The following ZNF280C variants were observed in gnomAD, a reference collection of about 807,000 sequenced individuals.
ZNF280C encodes suppressor of hairy wing homolog 3.
A neutral mutation model predicts 53.6 loss-of-function variants in ZNF280C; 14 were observed. That is an observed-to-expected ratio of 0.26 (90% CI 0.17 to 0.41). The LOEUF (loss-of-function observed/expected upper bound fraction) is 0.41. Among genes scored for constraint, ZNF280C ranks in the 10% least tolerant of loss-of-function variants. ZNF280C has a pLI of 1.00. For synonymous variants in ZNF280C, 203 were observed against 181.1 expected (o/e 1.12, Z -0.97); for missense variants, 416 against 547.1 (o/e 0.76, Z 2.39).
chrX:130,242,845 AT>A (rs988448495), intron 5 of ZNF280C, among the ~76,000 whole-genome samples: 2 of 110,426 alleles, frequency 1.8e-5, no homozygotes, highest in Non-Finnish European at 3.8e-5. Context: ...CCCAGCCTTT[AT>A]TTTTTTTATT....
In ZNF280C at chrX:130,249,194, C is replaced by A. The variant is rs1329362895; in HGVS notation, c.32-2189G>T. 3.6e-5 allele frequency among the ~76,000 whole-genome samples: 4 copies of A among 111,954 alleles called. No individual in the cohort carries two copies. In the Admixed American group the frequency reaches 3.8e-4, roughly 11 times the overall value. ...GTGCCCCATCCCCATGCTAATGCCA[C>A]CACCAGCATGACCATACACACAGTT... On this transcript the variant is annotated intron_variant, in intron 2 of 18. Transcript: ENST00000370978.
chrX:130,242,003 G>A (rs780113232), intron 5 of ZNF280C, among the ~76,000 whole-genome samples: 2 of 95,465 alleles, frequency 2.1e-5, no homozygotes, highest in Admixed American at 1.1e-4. Context: ...GGGAAGCCGG[G>A]GGGGGGCGGG....
intron 1 of ZNF280C, among the ~76,000 whole-genome samples, chrX:130,267,279 A>C (rs1211014817): frequency 9.0e-6 from 1 of 111,206 alleles, no homozygotes; most frequent in African/African-American, 3.3e-5. Flanking sequence ...GAAAAAGTCG[A>C]AAAAAAATGA....
rs2124693555 is a variant in ZNF280C at position 130,203,090 on chromosome X, A to C, written c.*1887T>G. On this transcript the variant is annotated 3_prime_UTR_variant, in exon 19 of 19. Transcript: ENST00000370978. The stretch of plus-strand genomic sequence containing the variant: ...ATGATAGGCCCAAGACAGAGCATGT[A>C]ATAATGTCTAATGGTCTGGACAAGT... 1 of 111,843 alleles carries C rather than the reference A, an allele frequency of 8.9e-6. No homozygotes were observed. The highest frequency in any genetic ancestry group is 3.2e-5 in the African/African-American group (1 of 30,898). The allele number at this position is 111,843 out of a possible 1,213,427, so 9.2% of individuals were successfully genotyped here.
At chrX:130,230,898 T>C (rs1324508022) in intron 8 of ZNF280C, among the ~76,000 whole-genome samples, 171 bp from the exon 9 acceptor site, 2 of 111,840 alleles carry the variant, frequency 1.8e-5, no homozygotes, top group Admixed American at 9.5e-5. Context: ...TCTAAAAAAA[T>C]TCAAACAATA....
chrX:130,265,524 A>T (rs1039758367), intron 1 of ZNF280C, among the ~76,000 whole-genome samples: 4 of 112,323 alleles, frequency 3.6e-5, no homozygotes, highest in Non-Finnish European at 5.6e-5. Context: ...AGTAACCTCA[A>T]GAAGTATGTA....
chrX:130,225,954 A>G (rs1208701257), intron 12 of ZNF280C, among the ~76,000 whole-genome samples: 1 of 112,107 alleles, frequency 8.9e-6, no homozygotes. Context: ...TGGCAAAGGC[A>G]CTATTGCTGT....
chrX:130,249,363 A>C (rs2032483451), intron 2 of ZNF280C, among the ~76,000 whole-genome samples: 1 of 111,901 alleles, frequency 8.9e-6, no homozygotes, highest in Admixed American at 9.5e-5. Flanking sequence ...GTGAACAAGA[A>C]TGGGCCCTGC....
At chrX:130,243,539 T>C (rs773349105) in intron 5 of ZNF280C, 24 bp downstream of exon 5, 4 of 1,189,418 alleles carry the variant, frequency 3.4e-6, no homozygotes, top group South Asian at 3.7e-5. Context: ...CCTGAATTAA[T>C]TGTGTAATTT....
Position 130,260,446 on chromosome X carries a change from C to T in ZNF280C, c.4G>A (p.Asp2Asn), listed in dbSNP as rs765698672. The T allele has an allele frequency of 9.2e-6, 11 of 1,198,259 alleles. No individual in the cohort carries two copies. The South Asian group carries it at 2.0e-4, about 22-fold the overall frequency. M[D>N]DDKPFQPKNI... ...TTTGGTTGAAAAGGTTTGTCGTCAT[C>T]CATGAAGTTGCAAGGTCACCTAAGT... is the stretch of plus-strand genomic sequence containing the variant. Residue 2 changes from aspartate to asparagine, a missense_variant, in exon 2 of 19, where the codon GAT (aspartate) becomes AAT (asparagine). Physicochemically the swap from Asp to Asn is conservative, Grantham distance 23. Transcript: ENST00000370978.
chrX:130,262,561 G>A (rs949004754), intron 1 of ZNF280C, among the ~76,000 whole-genome samples: 3 of 112,108 alleles, frequency 2.7e-5, no homozygotes, highest in Non-Finnish European at 5.6e-5. Context: ...TAAGTCAGCT[G>A]TCAGAGAAAT....
intron 2 of ZNF280C, among the ~76,000 whole-genome samples, chrX:130,250,668 C>T (rs924124107): frequency 1.8e-5 from 2 of 111,839 alleles, no homozygotes; most frequent in African/African-American, 6.5e-5. Context: ...AGGTGAGAAC[C>T]AGATGGATTC....
chrX:130,227,083 T>G (rs1427576793), intron 11 of ZNF280C, among the ~76,000 whole-genome samples, 178 bp from the exon 12 acceptor site: 1 of 111,637 alleles, frequency 9.0e-6, no homozygotes, highest in Non-Finnish European at 1.9e-5. Context: ...TTGAAAGATA[T>G]CTTTCAAAGT....
intron 11 of ZNF280C, among the ~76,000 whole-genome samples, 160 bp downstream of exon 11, chrX:130,227,522 A>G (rs932544737): frequency 6.2e-5 from 7 of 112,087 alleles, no homozygotes; most frequent in South Asian, 3.8e-4. Flanking sequence ...ACAATGCATG[A>G]GTTAAACCCA....
In ZNF280C at chrX:130,215,783, G is replaced by A. The variant is rs765957183; in HGVS notation, c.1838+8C>T. 8.4e-7 allele frequency: 1 copy of A among 1,183,728 alleles called. No individual in the cohort carries two copies. The highest frequency in any genetic ancestry group is 3.0e-5 in the East Asian group (1 of 33,681). ...TTTGTATTGTATATCAGGAATAAAA[G>A]ATATTACCTTATGTTCTTCAAAGCA... is the stretch of plus-strand genomic sequence containing the variant. On this transcript the variant is annotated splice_region_variant and intron_variant, in intron 14 of 18. Transcript: ENST00000370978.
chrX:130,218,419 A>G (rs1303579314), intron 13 of ZNF280C, among the ~76,000 whole-genome samples: 1 of 111,788 alleles, frequency 8.9e-6, no homozygotes, highest in Non-Finnish European at 1.9e-5. Context: ...AATTTCCTTA[A>G]TGGTAACATA....
rs1049810106 is a variant in ZNF280C at position 130,203,866 on chromosome X, G to T, written c.*1111C>A. On this transcript the variant is annotated 3_prime_UTR_variant, in exon 19 of 19. Coordinates refer to ENST00000370978, the MANE Select transcript of ZNF280C (RefSeq NM_017666.5). ...TTGGACTGCATGCCTGCTAGAGGAA[G>T]ATTAAAGAACAGCAGCCAAAATGGC... 1 of 104,042 alleles carries T rather than the reference G, an allele frequency of 9.6e-6. No individual in the cohort carries two copies. The highest frequency in any genetic ancestry group is 3.5e-5 in the African/African-American group (1 of 28,351). 8.6% of individuals were successfully genotyped at this position (104,042 alleles called of 1,213,427 possible).
At chrX:130,228,832 A>G in intron 10 of ZNF280C, 145 bp downstream of exon 10, 1 of 582,988 alleles carries the variant, frequency 1.7e-6, no homozygotes, top group Non-Finnish European at 2.6e-6. Flanking sequence ...CTAGGTTTAT[A>G]AAAGTTATGA....
At chrX:130,258,399 C>T (rs2032597007) in intron 2 of ZNF280C, among the ~76,000 whole-genome samples, 1 of 111,703 alleles carries the variant, frequency 9.0e-6, no homozygotes, top group Middle Eastern at 4.6e-3. Flanking sequence ...GATTTGAGGA[C>T]AGTACACAAA....
Sources: allele counts gnomAD v4.1 joint callset (sites outside exome capture counted in the v4.1 genomes callset), GRCh38; gene constraint gnomAD v4.1.1; transcripts MANE v1.5; gene names NCBI Gene and HGNC (gene_info 2026-07-23, HGNC 2026-07-21).